Variants in FRMD6 observed in about 807,000 individuals in gnomAD.
FRMD6 encodes the protein FERM domain containing 6.
A neutral mutation model predicts 73.2 loss-of-function variants in FRMD6; 37 were observed. The ratio of observed to expected loss-of-function variants is 0.51; its 90% CI spans 0.39 to 0.66. The LOEUF (loss-of-function observed/expected upper bound fraction) is 0.66, where lower values mean the gene tolerates loss of function less well. FRMD6 is among the 30% of genes least tolerant of loss of function. The probability of loss-of-function intolerance (pLI) is 0.00; values close to 1 mark genes in which losing one functional copy is unlikely to be tolerated. For synonymous variants in FRMD6, 273 were observed against 282.2 expected (o/e 0.97, Z 0.33); for missense variants, 714 against 780.5 (o/e 0.91, Z 1.02).
chr14:51,568,905 G>T (rs1275693190), intron 1 of FRMD6, among the ~76,000 whole-genome samples: 1 of 150,986 alleles, frequency 6.6e-6, no homozygotes, highest in Non-Finnish European at 1.5e-5. Flanking sequence ...TAGTGCAATG[G>T]CGCAGTCTCG....
intron 2 of FRMD6, among the ~76,000 whole-genome samples, chr14:51,628,334 C>G (rs915816573): frequency 6.6e-6 from 1 of 151,940 alleles, no homozygotes; most frequent in African/African-American, 2.4e-5. Context: ...AAAATTTATC[C>G]ATCTTACATG....
At chr14:51,397,209 T>G in the FRMD6 span, 3 of 152,274 alleles carry the variant, frequency 2.0e-5, no homozygotes, top group African/African-American at 7.2e-5. Context: ...TGAGTCTATA[T>G]ATATACATCA....
intron 2 of FRMD6, among the ~76,000 whole-genome samples, chr14:51,623,769 G>C (rs891197084): frequency 6.6e-6 from 1 of 152,166 alleles, no homozygotes. Context: ...ACTCAACTAT[G>C]AACAATCTGA....
chr14:51,488,679 A>G (rs1281229642), upstream of FRMD6, among the ~76,000 whole-genome samples: 1 of 152,242 alleles, frequency 6.6e-6, no homozygotes, highest in Non-Finnish European at 1.5e-5. Context: ...TGACTCTCCT[A>G]CATTGACTGC....
chr14:51,463,662 A>C, the FRMD6 span, among the ~76,000 whole-genome samples: 4 of 152,368 alleles, frequency 2.6e-5, no homozygotes, highest in South Asian at 6.2e-4. Context: ...TGAGCACGCT[A>C]CATGCAGACA....
At chr14:51,428,249 C>A in the FRMD6 span, among the ~76,000 whole-genome samples, 2 of 152,068 alleles carry the variant, frequency 1.3e-5, no homozygotes, top group Non-Finnish European at 2.9e-5. Context: ...GGAGCCAATA[C>A]AAACTATCAG....
intron 1 of FRMD6, among the ~76,000 whole-genome samples, chr14:51,531,266 C>T (rs1432113648): frequency 6.6e-6 from 1 of 152,172 alleles, no homozygotes; most frequent in Non-Finnish European, 1.5e-5. Context: ...TCATGTACCC[C>T]TTGATAATGA....
chr14:51,616,920 G>A (rs1465113), intron 2 of FRMD6, among the ~76,000 whole-genome samples: 23,943 of 152,190 alleles, frequency 0.16, 2,743 homozygotes, highest in African/African-American at 0.32. Flanking sequence ...CTATGAATAC[G>A]TGTGACATTA....
At chr14:51,566,180 G>T (rs1887764034) in intron 1 of FRMD6, among the ~76,000 whole-genome samples, 1 of 152,136 alleles carries the variant, frequency 6.6e-6, no homozygotes, top group East Asian at 1.9e-4. Context: ...AAAGCCCACT[G>T]GGCTAAAGAA....
At chr14:51,445,248 C>T in the FRMD6 span, among the ~76,000 whole-genome samples, 2 of 152,230 alleles carry the variant, frequency 1.3e-5, no homozygotes, top group South Asian at 4.1e-4. Flanking sequence ...TGCGACTGGG[C>T]CCCCCTCAGA....
At chr14:51,491,359 CA>C (rs1882991788) in intron 1 of FRMD6, 1 of 152,330 alleles carries the variant, frequency 6.6e-6, no homozygotes, top group Non-Finnish European at 1.5e-5. Context: ...CTATAAATAA[CA>C]TCCTTCCCCA....
chr14:51,500,519 C>T (rs113564302), intron 1 of FRMD6, among the ~76,000 whole-genome samples: 59,743 of 150,210 alleles, frequency 0.4, 12,171 homozygotes, highest in East Asian at 0.49. Flanking sequence ...CCAGCCTGGG[C>T]GACAGAGTGA....
the FRMD6 span, among the ~76,000 whole-genome samples, chr14:51,429,351 A>G: frequency 7.2e-4 from 109 of 152,326 alleles, no homozygotes; most frequent in Non-Finnish European, 1.1e-3. Context: ...GTAGATAATC[A>G]GAACTCTCCC....
the FRMD6 span, among the ~76,000 whole-genome samples, chr14:51,439,167 A>C: frequency 6.6e-6 from 1 of 152,246 alleles, no homozygotes; most frequent in Non-Finnish European, 1.5e-5. Flanking sequence ...AAAACTTGAT[A>C]AATGGAACTA....
At chr14:51,572,034 T>C (rs926861837) in intron 2 of FRMD6, among the ~76,000 whole-genome samples, 1 of 152,252 alleles carries the variant, frequency 6.6e-6, no homozygotes, top group Non-Finnish European at 1.5e-5. Context: ...TGTTATTATG[T>C]CACCTCCCTG....
At chr14:51,441,754 T>C in the FRMD6 span, among the ~76,000 whole-genome samples, 1 of 152,208 alleles carries the variant, frequency 6.6e-6, no homozygotes, top group Non-Finnish European at 1.5e-5. Flanking sequence ...AGAAGGTACA[T>C]AGAGCTCTTC....
intron 1 of FRMD6, among the ~76,000 whole-genome samples, chr14:51,560,773 C>A (rs1474585825): frequency 2.0e-5 from 3 of 152,124 alleles, no homozygotes; most frequent in Non-Finnish European, 4.4e-5. Context: ...CGTGAGTCAC[C>A]GCACCTGGCT....
chr14:51,634,757 A>G (rs1332431992), intron 2 of FRMD6, among the ~76,000 whole-genome samples: 2 of 152,258 alleles, frequency 1.3e-5, no homozygotes, highest in African/African-American at 4.8e-5. Context: ...CAGAAAGGCC[A>G]GGCTTGAACT....
At chr14:51,649,651 T>C (rs186137774), upstream of FRMD6, 33 of 152,300 alleles carry the variant, frequency 2.2e-4, 1 homozygote, top group Admixed American at 2.0e-3. Flanking sequence ...CTGATGCATA[T>C]AAAAGACAAA....
Sources: allele counts gnomAD v4.1 joint callset (sites outside exome capture counted in the v4.1 genomes callset), GRCh38; gene constraint gnomAD v4.1.1; transcripts MANE v1.5; gene names NCBI Gene and HGNC (gene_info 2026-07-23, HGNC 2026-07-21).